SAE1: variants seen among roughly 807,000 people sequenced by gnomAD.
The protein encoded by SAE1 is SUMO1 activating enzyme subunit 1.
A neutral mutation model predicts 40.6 loss-of-function variants in SAE1; 11 were observed. The ratio of observed to expected loss-of-function variants is 0.27; its 90% CI spans 0.17 to 0.45. SAE1 has a LOEUF of 0.45. Among genes scored for constraint, SAE1 ranks in the 20% least tolerant of loss-of-function variants. The pLI is 1.00. For missense variants in SAE1, 373 were observed against 427.3 expected, an observed-to-expected ratio of 0.87 and a Z score of 1.12; for synonymous variants, 155 against 154.3, an observed-to-expected ratio of 1.00 and a Z score of -0.03.
At chr19:47,132,046 C>T (rs1568581584) in intron 1 of SAE1, among the ~76,000 whole-genome samples, 2 of 151,884 alleles carry the variant, frequency 1.3e-5, no homozygotes. Context: ...ACTGCAGCCT[C>T]TGGCCTCCCG....
chr19:47,149,573 A>G (rs568163422), intron 2 of SAE1, among the ~76,000 whole-genome samples: 1 of 152,310 alleles, frequency 6.6e-6, no homozygotes, highest in East Asian at 1.9e-4. Flanking sequence ...CTAAGTATTT[A>G]GTCAATTCTT....
Position 47,166,589 on chromosome 19 carries a change from C to T in SAE1, c.628-3229C>T, listed in dbSNP as rs1305490372. Reference sequence around the variant, plus strand: ...CCAACTCCGTTTCATCATATAGTAGCCTAACATATTAGTTGGTTCGTTGCT... The same window carrying T: ...CCAACTCCGTTTCATCATATAGTAGTCTAACATATTAGTTGGTTCGTTGCT... On this transcript the variant is annotated intron_variant, in intron 5 of 8. Coordinates refer to ENST00000270225, the MANE Select transcript of SAE1 (RefSeq NM_005500.3). 2.6e-5 allele frequency among the ~76,000 whole-genome samples: 4 copies of T among 152,058 alleles called. No individual in the cohort carries two copies. In the East Asian group the frequency reaches 5.8e-4, roughly 22 times the overall value.
intron 1 of SAE1, chr19:47,142,420 G>A (rs1186948001): frequency 2.0e-5 from 3 of 150,904 alleles, no homozygotes; most frequent in African/African-American, 4.9e-5. Flanking sequence ...CAATTCCTGT[G>A]TACATGCTCT....
chr19:47,158,447 A>G (rs2058337021), intron 5 of SAE1, among the ~76,000 whole-genome samples: 1 of 152,216 alleles, frequency 6.6e-6, no homozygotes, highest in Non-Finnish European at 1.5e-5. Flanking sequence ...CACAAGCCTC[A>G]CATGGACACT....
chr19:47,199,642 A>G (rs1600215550), intron 7 of SAE1, among the ~76,000 whole-genome samples: 1 of 151,952 alleles, frequency 6.6e-6, no homozygotes, highest in Non-Finnish European at 1.5e-5. Flanking sequence ...TTGGCTGCAC[A>G]CTCACGGCCC....
In SAE1 at chr19:47,152,985, G is replaced by A; in HGVS notation, c.472G>A (p.Val158Ile). The A allele has an allele frequency of 6.2e-7, 1 of 1,613,378 alleles. No homozygotes were observed. Among genetic ancestry groups the A allele is most frequent in the Non-Finnish European group, 8.5e-7 (1 of 1,179,864 alleles). ...KNSIKFFTGD[V>I]FGYHGYTFAN... ...TAGCATCAAGTTCTTTACAGGAGATGTTTTTGGCTACCATGGATACACATT... is the reference window on the plus strand; with the variant it reads ...TAGCATCAAGTTCTTTACAGGAGATATTTTTGGCTACCATGGATACACATT... Residue 158 changes from valine to isoleucine, a missense_variant, in exon 4 of 9, where the codon GTT becomes ATT. This residue lies in a region of SAE1 where 351 missense variants were observed against 390.6 expected (regional missense o/e 0.90). Coordinates refer to ENST00000270225, the MANE Select transcript of SAE1 (RefSeq NM_005500.3).
intron 5 of SAE1, among the ~76,000 whole-genome samples, chr19:47,163,827 C>A (rs1169261116): frequency 6.6e-6 from 1 of 152,092 alleles, no homozygotes; most frequent in Non-Finnish European, 1.5e-5. Context: ...GCTTTATTGC[C>A]CAGGCTGGAG....
chr19:47,194,477 A>G (rs539856972), intron 6 of SAE1, among the ~76,000 whole-genome samples: 59 of 152,344 alleles, frequency 3.9e-4, no homozygotes, highest in Non-Finnish European at 6.6e-4. Flanking sequence ...AGAGATATCA[A>G]TGAAAGAACT....
intron 7 of SAE1, among the ~76,000 whole-genome samples, chr19:47,199,626 A>C (rs1011605873): frequency 6.6e-6 from 1 of 152,098 alleles, no homozygotes; most frequent in Non-Finnish European, 1.5e-5. Context: ...ATGCCCAAGT[A>C]GTCACTTGGC....
At chr19:47,186,574 C>G (rs2058545853) in intron 6 of SAE1, among the ~76,000 whole-genome samples, 3 of 152,078 alleles carry the variant, frequency 2.0e-5, no homozygotes, top group Non-Finnish European at 2.9e-5. Context: ...TCATCCTGGT[C>G]TTTAATTTGG....
At chr19:47,203,856 G>A (rs2058669255) in intron 8 of SAE1, 116 bp downstream of exon 8, 1 of 901,956 alleles carries the variant, frequency 1.1e-6, no homozygotes, top group Non-Finnish European at 1.8e-6. Flanking sequence ...ATTCATCTTT[G>A]TTTCATGCCC....
At chr19:47,193,056 C>A (rs531081703) in intron 6 of SAE1, among the ~76,000 whole-genome samples, 1 of 149,506 alleles carries the variant, frequency 6.7e-6, no homozygotes, top group South Asian at 2.1e-4. Context: ...ATGGTCACAG[C>A]CTTTTTTTTT....
chr19:47,152,054 G>T (rs183987906), intron 3 of SAE1, among the ~76,000 whole-genome samples: 1 of 152,240 alleles, frequency 6.6e-6, no homozygotes, highest in Non-Finnish European at 1.5e-5. Flanking sequence ...ACATTTCTCT[G>T]TGAGTGTTAT....
intron 5 of SAE1, among the ~76,000 whole-genome samples, chr19:47,155,876 G>T (rs2058320961): frequency 6.7e-6 from 1 of 149,208 alleles, no homozygotes; most frequent in South Asian, 2.1e-4. Context: ...AAGTAGCTGG[G>T]ACTACAGGTG....
intron 5 of SAE1, among the ~76,000 whole-genome samples, chr19:47,162,513 T>G (rs146064073): frequency 6.8e-4 from 104 of 152,340 alleles, no homozygotes; most frequent in African/African-American, 2.4e-3. Flanking sequence ...CTGCTGAGTG[T>G]GAAAAATGTG....
At chr19:47,155,383 G>T (rs534110086) in intron 5 of SAE1, among the ~76,000 whole-genome samples, 170 bp downstream of exon 5, 8 of 152,286 alleles carry the variant, frequency 5.3e-5, no homozygotes, top group African/African-American at 1.9e-4. Context: ...TGCTGTGAGG[G>T]AATGTGGGCC....
At chr19:47,208,495 C>T (rs1002566534) in intron 8 of SAE1, among the ~76,000 whole-genome samples, 5 of 151,894 alleles carry the variant, frequency 3.3e-5, no homozygotes, top group East Asian at 3.9e-4. Context: ...GGCTGGAGTG[C>T]GGTGGCGCAA....
chr19:47,155,345 C>A, intron 5 of SAE1, 132 bp downstream of exon 5: 1 of 559,598 alleles, frequency 1.8e-6, no homozygotes, highest in Non-Finnish European at 3.2e-6. Flanking sequence ...TAAAGGGAGG[C>A]TGCCACAGCT....
intron 6 of SAE1, chr19:47,180,273 T>C: frequency 2.2e-6 from 1 of 456,260 alleles, no homozygotes; most frequent in Non-Finnish European, 4.4e-6. Flanking sequence ...GAGAAATGGC[T>C]GTTTCCAGAT....
Sources: allele counts gnomAD v4.1 joint callset (sites outside exome capture counted in the v4.1 genomes callset), GRCh38; gene constraint gnomAD v4.1.1; regional missense constraint gnomAD v4.1.1; transcripts MANE v1.5; gene names NCBI Gene and HGNC (gene_info 2026-07-23, HGNC 2026-07-21).